The following HDGFL3 variants were observed in gnomAD, a reference collection of about 807,000 sequenced individuals.
HDGFL3 encodes the protein hepatoma-derived growth factor-related protein 3.
A neutral mutation model predicts 27.6 loss-of-function variants in HDGFL3; 6 were observed. That is an observed-to-expected ratio of 0.22 (90% confidence interval 0.12 to 0.43). The LOEUF (loss-of-function observed/expected upper bound fraction) is 0.43, where lower values mean the gene tolerates loss of function less well. HDGFL3 is among the 20% of genes least tolerant of loss of function. HDGFL3 has a pLI of 1.00. For synonymous variants in HDGFL3, 88 were observed against 88.9 expected (o/e 0.99, Z 0.05); for missense variants, 207 against 250.1 (o/e 0.83, Z 1.16).
chr15:83,177,726 T>C (rs1414694307), intron 1 of HDGFL3, among the ~76,000 whole-genome samples: 1 of 152,192 alleles, frequency 6.6e-6, no homozygotes, highest in African/African-American at 2.4e-5. Context: ...TTATATGTTA[T>C]GTAGTGGCTA....
intron 1 of HDGFL3, among the ~76,000 whole-genome samples, chr15:83,186,760 G>A (rs1036658021): frequency 6.6e-6 from 1 of 152,088 alleles, no homozygotes; most frequent in Admixed American, 6.6e-5. Flanking sequence ...GGCGAGGGAT[G>A]AAAAACTACC....
At chr15:83,119,247 A>G (rs1266458962) in intron 3 of HDGFL3, among the ~76,000 whole-genome samples, 1 of 152,208 alleles carries the variant, frequency 6.6e-6, no homozygotes, top group Non-Finnish European at 1.5e-5. Context: ...CCTTGTGTCA[A>G]AGATTTGGCT....
At position 83,137,212 on chromosome 15, in the gene HDGFL3, A is replaced by C. The variant is rs1359695885; in HGVS notation, c.*2058T>G. 1 of 152,208 alleles carries C rather than the reference A, an allele frequency of 6.6e-6. No individual in the cohort carries two copies. Among genetic ancestry groups the C allele is most frequent in the Non-Finnish European group, 1.5e-5 (1 of 68,008 alleles). 9.4% of individuals were successfully genotyped at this position (152,208 alleles called of 1,614,324 possible). A position where few individuals can be genotyped will look rare whatever the true frequency, so the allele number is the denominator to read the frequency against. ...CTGCTGTTTCAAGAAAATTACTTTT[A>C]CTAAATTTTTTTGTGTGAATTTAAA... On this transcript the variant is annotated 3_prime_UTR_variant, in exon 6 of 6. Coordinates refer to ENST00000299633, the MANE Select transcript of HDGFL3 (RefSeq NM_016073.4).
chr15:83,197,588 T>TC (rs1455731723), intron 1 of HDGFL3, among the ~76,000 whole-genome samples: 2 of 152,202 alleles, frequency 1.3e-5, no homozygotes, highest in African/African-American at 4.8e-5. Flanking sequence ...ACCTGCCCTA[T>TC]CTTCAAGTTT....
chr15:83,207,443 T>C lies in HDGFL3; in HGVS notation c.-29A>G. On this transcript the variant is annotated 5_prime_UTR_variant, in exon 1 of 6. Coordinates refer to ENST00000299633, the MANE Select transcript of HDGFL3 (RefSeq NM_016073.4). The surrounding 1 kb of genome is among the most constrained non-coding windows in gnomAD (Gnocchi z 4.8). ...AGCCGCTCCCCTTCCTGGTAGTCCT[T>C]GGTCGCCGCGAAGATGCCGGGAGGC... 1 of 1,278,088 alleles carries C rather than the reference T, an allele frequency of 7.8e-7. No individual in the cohort carries two copies. The allele number at this position is 1,278,088 out of a possible 1,614,324, so 79.2% of individuals were successfully genotyped here. A position where few individuals can be genotyped will look rare whatever the true frequency, so the allele number is the denominator to read the frequency against.
intron 1 of HDGFL3, among the ~76,000 whole-genome samples, chr15:83,186,791 C>T (rs1316835701): frequency 6.6e-6 from 1 of 152,166 alleles, no homozygotes; most frequent in Non-Finnish European, 1.5e-5. Flanking sequence ...AATGCATACT[C>T]AGGTGATGGT....
chr15:83,146,151 C>T (rs1033067814), intron 5 of HDGFL3, among the ~76,000 whole-genome samples: 3 of 152,054 alleles, frequency 2.0e-5, no homozygotes, highest in African/African-American at 7.2e-5. Context: ...CTCAGGTGAT[C>T]GGCCCACCTC....
chr15:83,157,421 A>G lies in HDGFL3; in HGVS notation c.453T>C (p.Thr151=). 1 of 1,612,504 alleles carries G rather than the reference A, an allele frequency of 6.2e-7. No homozygotes were observed. The highest frequency in any genetic ancestry group is 8.5e-7 in the Non-Finnish European group (1 of 1,178,812). ...TGAGAAGTTTCTTAGTAACCTTTGA[A>G]GTATATGACTTTTTCCGTTTTGAGC... The part of the protein sequence containing the change: ...KAGSKRKKSY[T]SKKSSKQSRK... Residue 151 remains threonine (T), a synonymous_variant, in exon 4 of 6, where the codon ACT becomes ACC. Transcript: ENST00000299633.
chr15:83,194,606 A>C (rs2037548329), intron 1 of HDGFL3, among the ~76,000 whole-genome samples: 1 of 152,198 alleles, frequency 6.6e-6, no homozygotes, highest in Admixed American at 6.5e-5. Flanking sequence ...TGAGCACATA[A>C]AAAGCTTATT....
At chr15:83,160,756 T>C (rs994633338) in intron 2 of HDGFL3, among the ~76,000 whole-genome samples, 4 of 152,200 alleles carry the variant, frequency 2.6e-5, no homozygotes, top group Non-Finnish European at 4.4e-5. Flanking sequence ...AGTTTACTAT[T>C]GATCTCTGTA....
intron 1 of HDGFL3, among the ~76,000 whole-genome samples, chr15:83,184,071 T>C (rs1390828648): frequency 6.6e-6 from 1 of 152,254 alleles, no homozygotes; most frequent in Non-Finnish European, 1.5e-5. Context: ...TAAATTCAGA[T>C]ACATGTAAAT....
downstream of HDGFL3, among the ~76,000 whole-genome samples, chr15:83,126,142 G>T (rs186115467): frequency 4.3e-4 from 65 of 152,270 alleles, 1 homozygote; most frequent in African/African-American, 1.5e-3. Context: ...TACCAACTCT[G>T]TCATTGGCCT....
intron 1 of HDGFL3, among the ~76,000 whole-genome samples, chr15:83,202,548 C>T (rs944702808): frequency 3.3e-5 from 5 of 151,448 alleles, no homozygotes; most frequent in African/African-American, 4.8e-5. Flanking sequence ...AGTGAGGACT[C>T]GAAGGAAAAA....
At chr15:83,144,429 T>C (rs1364743089) in intron 5 of HDGFL3, 4 of 456,036 alleles carry the variant, frequency 8.8e-6, no homozygotes, top group Non-Finnish European at 1.8e-5. Flanking sequence ...GCAAAAGTGA[T>C]GGGATGTCAC....
downstream of HDGFL3, among the ~76,000 whole-genome samples, chr15:83,125,467 CTG>C (rs2151373173): frequency 6.6e-6 from 1 of 152,306 alleles, no homozygotes; most frequent in African/African-American, 2.4e-5. Context: ...GTTTTCCTCT[CTG>C]TAAAATAACA....
At chr15:83,190,817 T>C (rs1004711327) in intron 1 of HDGFL3, among the ~76,000 whole-genome samples, 1 of 152,218 alleles carries the variant, frequency 6.6e-6, no homozygotes, top group African/African-American at 2.4e-5. Context: ...GTTCTTTCTA[T>C]GTCTTGTCAG....
rs8025060 is a variant in HDGFL3 at position 83,113,370 on chromosome 15, G to A, written c.*2339C>T. ...TTGTATGACCCTGAGCACTTTAGCA[G>A]CAGGCTTTCACCTAATCCTCACCAT... On this transcript the variant is annotated 3_prime_UTR_variant, in exon 4 of 4. Transcript: ENST00000568294. 434 of 158,232 alleles carry A rather than the reference G, an allele frequency of 2.7e-3. 1 individual carries two copies. The highest frequency in any genetic ancestry group is 9.4e-3 in the African/African-American group (393 of 41,730). The allele number at this position is 158,232 out of a possible 1,614,324, so 9.8% of individuals were successfully genotyped here. A position where few individuals can be genotyped will look rare whatever the true frequency, so the allele number is the denominator to read the frequency against.
intron 2 of HDGFL3, among the ~76,000 whole-genome samples, chr15:83,159,880 A>G (rs2037076563): frequency 6.6e-6 from 1 of 152,236 alleles, no homozygotes. Flanking sequence ...GAAGGCCACT[A>G]TAAAGGCTTT....
intron 1 of HDGFL3, chr15:83,179,076 G>A (rs982646758): frequency 1.3e-5 from 2 of 152,216 alleles, no homozygotes; most frequent in African/African-American, 4.8e-5. Context: ...TCAGTTTCCT[G>A]CCAGTCTGTA....
Sources: allele counts gnomAD v4.1 joint callset (sites outside exome capture counted in the v4.1 genomes callset), GRCh38; gene constraint gnomAD v4.1.1; non-coding constraint Gnocchi (gnomAD v3.1); transcripts MANE v1.5; gene names NCBI Gene and HGNC (gene_info 2026-07-23, HGNC 2026-07-21).